Variants in WNT7B observed in about 807,000 individuals in gnomAD.
The protein encoded by WNT7B is Wnt family member 7B.
A neutral mutation model predicts 38.2 loss-of-function variants in WNT7B; 19 were observed. That is an observed-to-expected ratio of 0.50 (90% CI 0.35 to 0.73). The LOEUF (loss-of-function observed/expected upper bound fraction) is 0.73. Among genes scored for constraint, WNT7B ranks in the 30% least tolerant of loss-of-function variants. The pLI is 0.01. For synonymous variants in WNT7B, 243 were observed against 209.3 expected (o/e 1.16, Z -1.39); for missense variants, 423 against 507.9 (o/e 0.83, Z 1.61).
chr22:45,973,937 C>T (rs960792612), intron 1 of WNT7B, among the ~76,000 whole-genome samples: 1 of 152,044 alleles, frequency 6.6e-6, no homozygotes, highest in African/African-American at 2.4e-5. Context: ...GAAGTGATCA[C>T]GTAATACCCC....
At chr22:45,961,932 G>A (rs1472293752) in intron 1 of WNT7B, among the ~76,000 whole-genome samples, 1 of 152,208 alleles carries the variant, frequency 6.6e-6, no homozygotes, top group African/African-American at 2.4e-5. Flanking sequence ...GGGGCATCCT[G>A]CAGGCTGCAC....
chr22:45,952,677 G>A (rs562589307), intron 1 of WNT7B, among the ~76,000 whole-genome samples: 1 of 152,354 alleles, frequency 6.6e-6, no homozygotes, highest in South Asian at 2.1e-4. Flanking sequence ...ATCTGCGGTA[G>A]GTGCCCTTGC....
chr22:45,956,180 T>C (rs1042166539), intron 1 of WNT7B, among the ~76,000 whole-genome samples: 1 of 152,200 alleles, frequency 6.6e-6, no homozygotes, highest in Non-Finnish European at 1.5e-5. Flanking sequence ...TGCAAATTCC[T>C]AGCTGTGAGA....
At chr22:45,970,931 C>T (rs1188257476) in intron 1 of WNT7B, among the ~76,000 whole-genome samples, 1 of 152,272 alleles carries the variant, frequency 6.6e-6, no homozygotes, top group East Asian at 1.9e-4. Context: ...GCCTGGAGCG[C>T]TCTCTGTGCC....
chr22:45,929,683 TAC>T (rs1931246328), intron 3 of WNT7B, among the ~76,000 whole-genome samples: 1 of 112,388 alleles, frequency 8.9e-6, no homozygotes, highest in African/African-American at 3.6e-5. Flanking sequence ...CTTCCCTCCA[TAC>T]TTCCATCCAC....
In WNT7B at chr22:45,965,333, C is replaced by G. The variant is rs1271612405; in HGVS notation, c.71+11351G>C. Among the ~76,000 whole-genome samples the G allele has an allele frequency of 6.6e-6, 1 of 152,184 alleles. No homozygotes were observed. Among genetic ancestry groups the G allele is most frequent in the East Asian group, 1.9e-4 (1 of 5,178 alleles). On this transcript the variant is annotated intron_variant, in intron 1 of 3. Coordinates refer to ENST00000339464, the MANE Select transcript of WNT7B (RefSeq NM_058238.3). This position sits in a 1 kb window ranked among gnomAD's most constrained non-coding sequence, Gnocchi z 6.5. ...CCCACAGGGCTTTGTGTCAACGACGCTGGAAGGCAGGGCGGTAGGGACTTT... is the reference window on the plus strand; with the variant it reads ...CCCACAGGGCTTTGTGTCAACGACGGTGGAAGGCAGGGCGGTAGGGACTTT...
Position 45,975,588 on chromosome 22 carries a change from G to C in WNT7B, c.71+1096C>G. ...GACATGGGATGGAGGGTGATGGAGA[G>C]ACGATTCCCAGCGCCTGCTTCCACC... On this transcript the variant is annotated intron_variant, in intron 1 of 3. Transcript: ENST00000339464. This position sits in a 1 kb window ranked among gnomAD's most constrained non-coding sequence, Gnocchi z 6.6. The C allele has an allele frequency of 1.4e-6, 1 of 716,754 alleles. No homozygotes were observed. The highest frequency in any genetic ancestry group is 2.6e-6 in the Non-Finnish European group (1 of 384,644). The allele number at this position is 716,754 out of a possible 1,614,324, so 44.4% of individuals were successfully genotyped here.
At chr22:45,953,033 G>A (rs28668243) in intron 1 of WNT7B, among the ~76,000 whole-genome samples, 3,477 of 152,324 alleles carry the variant, frequency 0.023, 89 homozygotes, top group Non-Finnish European at 0.031. Flanking sequence ...GCCCCACTGT[G>A]CTCAAGCTCC....
At position 45,931,134 on chromosome 22, in the gene WNT7B, G is replaced by GCGC; in HGVS notation, c.531_533dup (p.Arg178dup). ...CCTCATTGTTATGCAGGTTCATGAG[G>GCGC]CGCCGCGCGTTCTTCTTGATCTCCC... On this transcript the variant is annotated inframe_insertion, in exon 3 of 4. Transcript: ENST00000339464. 1.3e-6 allele frequency: 2 copies of GCGC among 1,592,614 alleles called. No homozygotes were observed. The highest frequency in any genetic ancestry group is 1.7e-6 in the Non-Finnish European group (2 of 1,173,444).
intron 3 of WNT7B, chr22:45,926,801 G>T (rs1402848055): frequency 1.0e-6 from 1 of 985,298 alleles, no homozygotes; most frequent in Non-Finnish European, 1.2e-6. Flanking sequence ...GTGGCCTCGA[G>T]TGAAGTTACA....
At chr22:45,930,902 C>A (rs979413008) in intron 3 of WNT7B, among the ~76,000 whole-genome samples, 196 bp downstream of exon 3, 3 of 152,192 alleles carry the variant, frequency 2.0e-5, no homozygotes, top group Non-Finnish European at 4.4e-5. Flanking sequence ...GCTCTCACAT[C>A]TCTGGATGGG....
chr22:45,955,647 C>T (rs993900404), intron 1 of WNT7B, among the ~76,000 whole-genome samples: 1 of 152,154 alleles, frequency 6.6e-6, no homozygotes, highest in Admixed American at 6.5e-5. Context: ...GAAAATTCTG[C>T]CCCCGGCTCA....
chr22:45,949,817 A>G, intron 2 of WNT7B, 103 bp downstream of exon 2: 2 of 1,142,176 alleles, frequency 1.8e-6, no homozygotes, highest in Non-Finnish European at 2.4e-6. Context: ...GCCCCCCAGG[A>G]GATGTGTGCA....
At chr22:45,954,781 C>A (rs1011951058) in intron 1 of WNT7B, 1 of 985,230 alleles carries the variant, frequency 1.0e-6, no homozygotes. Context: ...ACTAAAAATA[C>A]CAAGTGCTCC....
chr22:45,943,496 G>T (rs1931719800), intron 2 of WNT7B, among the ~76,000 whole-genome samples: 1 of 152,224 alleles, frequency 6.6e-6, no homozygotes, highest in Non-Finnish European at 1.5e-5. Flanking sequence ...AGCCCAGGAG[G>T]CCCCTCCTGT....
rs973495284 is a variant in WNT7B, at chr22:45,935,746, A to ATTCT, written c.299-4381_299-4378dup. On this transcript the variant is annotated intron_variant, in intron 2 of 3. Coordinates refer to ENST00000339464, the MANE Select transcript of WNT7B (RefSeq NM_058238.3). Reference sequence around the variant, plus strand: ...ACCACCTTATCTCCAAGACAGCCCCATTCTGATCAGACCCATTTCACAGAT... The same window carrying ATTCT: ...ACCACCTTATCTCCAAGACAGCCCCATTCTTTCTGATCAGACCCATTTCACAGAT... 11 of 920,008 alleles carry ATTCT rather than the reference A, an allele frequency of 1.2e-5. No homozygotes were observed. The African/African-American group carries it at 2.0e-4, about 16-fold the overall frequency. 57.0% of individuals were successfully genotyped at this position (920,008 alleles called of 1,614,324 possible).
At chr22:45,925,570 C>T (rs906282176) in intron 3 of WNT7B, 3 of 985,202 alleles carry the variant, frequency 3.0e-6, no homozygotes, top group Admixed American at 6.2e-5. Context: ...CTCCTCCCTG[C>T]CTCCTGTCCC....
chr22:45,961,274 C>T (rs572637323), intron 1 of WNT7B, among the ~76,000 whole-genome samples: 1 of 152,278 alleles, frequency 6.6e-6, no homozygotes, highest in African/African-American at 2.4e-5. Context: ...AGGAGTTCCG[C>T]CCGGCCACCC....
At chr22:45,927,364 G>A (rs4072175) in intron 3 of WNT7B, 186,384 of 1,484,654 alleles carry the variant, frequency 0.13, 12,617 homozygotes, top group East Asian at 0.23. Flanking sequence ...GGGGCAGGGC[G>A]GGGGCGGGCC....
Sources: allele counts gnomAD v4.1 joint callset (sites outside exome capture counted in the v4.1 genomes callset), GRCh38; gene constraint gnomAD v4.1.1; non-coding constraint Gnocchi (gnomAD v3.1); transcripts MANE v1.5; gene names NCBI Gene and HGNC (gene_info 2026-07-23, HGNC 2026-07-21).